Variants in SCFD1 observed in about 807,000 individuals in gnomAD.
SCFD1 encodes the protein sec1 family domain containing 1.
In SCFD1, 37 loss-of-function variants were observed where a neutral mutation model predicts 103.2. The observed-to-expected ratio is 0.36, with a 90% CI of 0.28 to 0.47. The LOEUF (loss-of-function observed/expected upper bound fraction) is 0.47, where lower values mean the gene tolerates loss of function less well. Among genes scored for constraint, SCFD1 ranks in the 20% least tolerant of loss-of-function variants. The pLI is 1.00. For synonymous variants in SCFD1, 264 were observed against 245.0 expected (o/e 1.08, Z -0.73); for missense variants, 639 against 761.2 (o/e 0.84, Z 1.89).
chr14:30,716,400 T>C (rs1221450300), intron 20 of SCFD1, among the ~76,000 whole-genome samples: 1 of 152,196 alleles, frequency 6.6e-6, no homozygotes, highest in East Asian at 1.9e-4. Flanking sequence ...TACAGGGCAC[T>C]AAATTCTTTT....
chr14:30,627,681 T>C (rs1408938176), intron 1 of SCFD1, among the ~76,000 whole-genome samples: 1 of 146,984 alleles, frequency 6.8e-6, no homozygotes, highest in Non-Finnish European at 1.5e-5. Flanking sequence ...AGGCAGAGGT[T>C]GTGGTGAGCC....
chr14:30,632,053 A>G (rs1884214794), intron 3 of SCFD1, among the ~76,000 whole-genome samples: 1 of 149,364 alleles, frequency 6.7e-6, no homozygotes, highest in Non-Finnish European at 1.5e-5. Flanking sequence ...GTTGAAAAAA[A>G]AAAAAAAAAA....
intron 9 of SCFD1, among the ~76,000 whole-genome samples, chr14:30,652,915 G>A (rs1210699388): frequency 6.6e-6 from 1 of 152,038 alleles, no homozygotes; most frequent in Non-Finnish European, 1.5e-5. Flanking sequence ...AGACTGAGGT[G>A]GGAGGATTAC....
intron 10 of SCFD1, among the ~76,000 whole-genome samples, chr14:30,666,975 T>C (rs971978597): frequency 3.3e-5 from 5 of 152,048 alleles, no homozygotes; most frequent in Non-Finnish European, 7.4e-5. Flanking sequence ...CTACCAGAGA[T>C]ACAAAGAGAA....
chr14:30,701,360 G>A (rs909409043), intron 16 of SCFD1, among the ~76,000 whole-genome samples: 2 of 152,138 alleles, frequency 1.3e-5, no homozygotes, highest in Admixed American at 1.3e-4. Context: ...TTTGAGACCA[G>A]CCTGGCCAAC....
chr14:30,682,648 C>T (rs916191590), intron 14 of SCFD1, among the ~76,000 whole-genome samples: 1 of 152,160 alleles, frequency 6.6e-6, no homozygotes, highest in Non-Finnish European at 1.5e-5. Context: ...ACTGTAGTGA[C>T]ATATACCAAC....
chr14:30,715,628 A>T (rs1892229146), intron 19 of SCFD1: 1 of 211,034 alleles, frequency 4.7e-6, no homozygotes, highest in Non-Finnish European at 9.3e-6. Context: ...AGTTACTAGT[A>T]TTAAAAGCAA....
chr14:30,647,433 C>G (rs567463662), intron 7 of SCFD1, among the ~76,000 whole-genome samples: 2 of 151,514 alleles, frequency 1.3e-5, no homozygotes, highest in South Asian at 4.2e-4. Context: ...TTCCTGTTTT[C>G]TGCTTGAGTT....
At chr14:30,683,540 GCTC>G (rs1889668449) in intron 14 of SCFD1, 8 of 285,710 alleles carry the variant, frequency 2.8e-5, no homozygotes, top group South Asian at 1.9e-4. Context: ...GCTTGGCTCT[GCTC>G]CTTTGTGGGA....
At chr14:30,642,512 TATACTC>T (rs1885384332) in intron 6 of SCFD1, among the ~76,000 whole-genome samples, 1 of 152,232 alleles carries the variant, frequency 6.6e-6, no homozygotes, top group African/African-American at 2.4e-5. Context: ...GGGTGATTCT[TATACTC>T]AGTAAAGTTT....
intron 11 of SCFD1, among the ~76,000 whole-genome samples, chr14:30,672,402 T>C (rs1479217554): frequency 6.6e-6 from 1 of 152,126 alleles, no homozygotes; most frequent in Non-Finnish European, 1.5e-5. Context: ...CTAGTCTCCA[T>C]TGGATAAAAT....
chr14:30,718,934 G>T (rs1458835337), intron 20 of SCFD1, among the ~76,000 whole-genome samples: 1 of 152,204 alleles, frequency 6.6e-6, no homozygotes, highest in Non-Finnish European at 1.5e-5. Context: ...TGATAGTCCT[G>T]TCAACACTCC....
intron 14 of SCFD1, among the ~76,000 whole-genome samples, chr14:30,690,834 G>C (rs1203910180): frequency 1.3e-5 from 2 of 152,132 alleles, no homozygotes; most frequent in Non-Finnish European, 2.9e-5. Context: ...TTGGCTCCTC[G>C]CCCACTTATT....
intron 23 of SCFD1, among the ~76,000 whole-genome samples, chr14:30,732,067 C>T (rs1893515081): frequency 1.3e-5 from 2 of 152,110 alleles, no homozygotes; most frequent in African/African-American, 4.8e-5. Flanking sequence ...GCATGAAGGG[C>T]TGTTGAATTT....
At chr14:30,636,551 G>T (rs1161549305) in intron 4 of SCFD1, among the ~76,000 whole-genome samples, 1 of 152,002 alleles carries the variant, frequency 6.6e-6, no homozygotes, top group African/African-American at 2.4e-5. Flanking sequence ...TATCTTGTTT[G>T]ATTTCTGAAC....
At chr14:30,732,653 C>T (rs1893558125) in intron 23 of SCFD1, among the ~76,000 whole-genome samples, 1 of 152,180 alleles carries the variant, frequency 6.6e-6, no homozygotes, top group Non-Finnish European at 1.5e-5. Flanking sequence ...TGCGACTATG[C>T]CTACATGAGA....
chr14:30,664,120 C>T (rs933848845), intron 10 of SCFD1, among the ~76,000 whole-genome samples: 5 of 152,074 alleles, frequency 3.3e-5, no homozygotes. Context: ...AGACATCTCC[C>T]AGTAGGGGCT....
At chr14:30,727,989 T>C (rs760157259) in intron 23 of SCFD1, among the ~76,000 whole-genome samples, 2 of 152,228 alleles carry the variant, frequency 1.3e-5, no homozygotes, top group Non-Finnish European at 2.9e-5. Context: ...AGAGGTATTA[T>C]CTTCATGTCA....
At chr14:30,730,642 T>C (rs1414437792) in intron 23 of SCFD1, among the ~76,000 whole-genome samples, 1 of 152,266 alleles carries the variant, frequency 6.6e-6, no homozygotes, top group Non-Finnish European at 1.5e-5. Context: ...GTCTGTTGGC[T>C]GCATAAATGT....
Sources: gnomAD v4.1 joint callset for allele counts (sites outside exome capture counted in the v4.1 genomes callset) on GRCh38, gnomAD v4.1.1 for gene constraint, MANE v1.5 for transcripts, NCBI Gene and HGNC (gene_info 2026-07-23, HGNC 2026-07-21) for gene names.